Variants in EPM2A observed in about 807,000 individuals in gnomAD.
EPM2A encodes the protein laforin.
Under a neutral mutation model 26.5 loss-of-function variants are expected in EPM2A, and 21 were observed. That is an observed-to-expected ratio of 0.79 (90% CI 0.56 to 1.14). EPM2A has a LOEUF of 1.14. Ranked by LOEUF, EPM2A falls within the 50% of genes most tolerant of loss-of-function variation. The pLI is 0.00. For missense variants in EPM2A, 458 were observed against 440.8 expected (o/e 1.04, Z -0.35); for synonymous variants, 217 against 177.6 (o/e 1.22, Z -1.76).
intron 4 of EPM2A, among the ~76,000 whole-genome samples, chr6:145,417,539 G>A (rs1294252838): frequency 2.0e-5 from 3 of 152,098 alleles, no homozygotes; most frequent in African/African-American, 7.2e-5. Flanking sequence ...AACCCTCCCA[G>A]AAAAGAACTT....
At chr6:145,705,412 G>C (rs1583090361) in intron 1 of EPM2A, 1 of 360,076 alleles carries the variant, frequency 2.8e-6, no homozygotes. Context: ...AGTTAGCTGG[G>C]CATGGTGGCG....
chr6:145,583,476 T>G (rs1014937262), intron 2 of EPM2A, among the ~76,000 whole-genome samples: 1 of 152,116 alleles, frequency 6.6e-6, no homozygotes. Context: ...GGAGGGCTGG[T>G]AGTAGGTGCC....
intron 2 of EPM2A, among the ~76,000 whole-genome samples, chr6:145,576,586 T>C (rs1319296740): frequency 6.6e-6 from 1 of 152,158 alleles, no homozygotes; most frequent in East Asian, 1.9e-4. Flanking sequence ...AATAAAGACT[T>C]TCCCAGAAAA....
intron 2 of EPM2A, among the ~76,000 whole-genome samples, chr6:145,571,998 C>T (rs6900040): frequency 0.43 from 65,272 of 152,068 alleles, 14,571 homozygotes; most frequent in African/African-American, 0.52. Flanking sequence ...TTGTCACCAA[C>T]TTTTCAATCA....
At chr6:145,681,631 A>G (rs1046389499) in intron 2 of EPM2A, among the ~76,000 whole-genome samples, 107 of 151,404 alleles carry the variant, frequency 7.1e-4, no homozygotes, top group Non-Finnish European at 1.3e-3. Context: ...TTTTCCCAGC[A>G]CCATTTATTA....
At chr6:145,697,975 G>T (rs1289807630) in intron 1 of EPM2A, among the ~76,000 whole-genome samples, 1 of 152,076 alleles carries the variant, frequency 6.6e-6, no homozygotes, top group African/African-American at 2.4e-5. Flanking sequence ...AAATCACAAG[G>T]GTATTAATTG....
chr6:145,473,794 C>T (rs948288353), intron 4 of EPM2A, among the ~76,000 whole-genome samples: 1 of 152,076 alleles, frequency 6.6e-6, no homozygotes, highest in Non-Finnish European at 1.5e-5. Flanking sequence ...AACTTTTACC[C>T]TAGAATAATA....
intron 2 of EPM2A, among the ~76,000 whole-genome samples, chr6:145,603,844 GCTTA>G (rs1220434647): frequency 3.3e-5 from 5 of 152,024 alleles, no homozygotes. Context: ...ATCCCAAATG[GCTTA>G]CTTAACTTCT....
At chr6:145,482,855 T>A (rs1202281827) in intron 4 of EPM2A, among the ~76,000 whole-genome samples, 3 of 141,790 alleles carry the variant, frequency 2.1e-5, no homozygotes, top group Non-Finnish European at 4.5e-5. Flanking sequence ...TGTCTTAAAT[T>A]ATAGCTATTC....
chr6:145,505,936 A>G (rs1335309266), intron 2 of EPM2A, among the ~76,000 whole-genome samples: 1 of 152,250 alleles, frequency 6.6e-6, no homozygotes, highest in Non-Finnish European at 1.5e-5. Flanking sequence ...AAATTCTAGT[A>G]GAAGTTCCTA....
chr6:145,492,481 T>G (rs892053491), intron 4 of EPM2A, among the ~76,000 whole-genome samples: 1 of 152,174 alleles, frequency 6.6e-6, no homozygotes, highest in Non-Finnish European at 1.5e-5. Context: ...ATGAGGTGGT[T>G]GTTCTCCACC....
Position 145,609,798 on chromosome 6 carries a change from G to A in EPM2A, c.340+25447C>T, listed in dbSNP as rs75543091. 5.0e-3 allele frequency among the ~76,000 whole-genome samples: 759 copies of A among 152,228 alleles called. 4 individuals are homozygous for A. Among genetic ancestry groups the A allele is most frequent in the African/African-American group, 0.018 (738 of 41,528 alleles). ...TTGGACTCTCCTCTTGTTCTTTGGT[G>A]TCCTTTAAGGAAAAACAGCAAATTG... On this transcript the variant is annotated intron_variant, in intron 2 of 3. Coordinates refer to the EPM2A transcript ENST00000450221.
intron 2 of EPM2A, among the ~76,000 whole-genome samples, chr6:145,560,715 T>C (rs538049618): frequency 1.3e-5 from 2 of 152,248 alleles, no homozygotes; most frequent in Admixed American, 6.6e-5. Flanking sequence ...TTGAGTACTA[T>C]GAGTATATGA....
At chr6:145,462,591 C>T (rs1779340425) in intron 4 of EPM2A, among the ~76,000 whole-genome samples, 1 of 152,074 alleles carries the variant, frequency 6.6e-6, no homozygotes, top group South Asian at 2.1e-4. Context: ...GTTTGGTATT[C>T]AACTCAGCTA....
chr6:145,656,570 T>C (rs1359339315), intron 2 of EPM2A, among the ~76,000 whole-genome samples: 3 of 152,092 alleles, frequency 2.0e-5, no homozygotes, highest in African/African-American at 7.2e-5. Context: ...ACAAACAATA[T>C]CTCTACCCTC....
At chr6:145,620,059 G>A (rs1775599292) in intron 2 of EPM2A, among the ~76,000 whole-genome samples, 1 of 152,110 alleles carries the variant, frequency 6.6e-6, no homozygotes, top group Admixed American at 6.5e-5. Flanking sequence ...AAAGAATGAG[G>A]GATACTCACT....
At chr6:145,728,513 T>G (rs1444846587) in intron 1 of EPM2A, among the ~76,000 whole-genome samples, 1 of 152,214 alleles carries the variant, frequency 6.6e-6, no homozygotes, top group Non-Finnish European at 1.5e-5. Context: ...AGCATTGTGC[T>G]CCTGCTCTAG....
chr6:145,409,145 T>A (rs1562323906), intron 4 of EPM2A, among the ~76,000 whole-genome samples: 1 of 152,186 alleles, frequency 6.6e-6, no homozygotes, highest in South Asian at 2.1e-4. Context: ...GTATTAATTA[T>A]CCTTTAAAGA....
At chr6:145,714,198 T>C (rs1486951993) in intron 1 of EPM2A, among the ~76,000 whole-genome samples, 2 of 152,210 alleles carry the variant, frequency 1.3e-5, no homozygotes, top group Non-Finnish European at 2.9e-5. Context: ...TCAGTTCCCA[T>C]GAGTAATTGG....
Sources: gnomAD v4.1 joint callset for allele counts (sites outside exome capture counted in the v4.1 genomes callset) on GRCh38, gnomAD v4.1.1 for gene constraint, MANE v1.5 for transcripts, NCBI Gene and HGNC (gene_info 2026-07-23, HGNC 2026-07-21) for gene names.